Variants in BTBD8 observed in about 807,000 individuals in gnomAD.
BTBD8 encodes BTB/POZ domain-containing protein 8.
In BTBD8, 110 loss-of-function variants were observed where a neutral mutation model predicts 162.9. That is an observed-to-expected ratio of 0.68 (90% CI 0.58 to 0.79). BTBD8 has a LOEUF of 0.79. Among genes scored for constraint, BTBD8 ranks in the 30% least tolerant of loss-of-function variants. BTBD8 has a pLI of 0.00. For missense variants in BTBD8, 1,905 were observed against 2,085.4 expected (o/e 0.91, Z 1.68); for synonymous variants, 667 against 716.1 (o/e 0.93, Z 1.10).
chr1:92,121,057 G>A (rs550338123), intron 4 of BTBD8, among the ~76,000 whole-genome samples: 60 of 152,206 alleles, frequency 3.9e-4, no homozygotes, highest in African/African-American at 1.3e-3. Context: ...GAGCCACTGC[G>A]CCTGGCCAAA....
At chr1:92,123,936 C>T (rs1273172778) in intron 4 of BTBD8, among the ~76,000 whole-genome samples, 1 of 151,956 alleles carries the variant, frequency 6.6e-6, no homozygotes, top group African/African-American at 2.4e-5. Flanking sequence ...AACTGGCTTT[C>T]AAGTCTAATA....
chr1:92,129,100 A>G (rs1188004077), intron 4 of BTBD8, among the ~76,000 whole-genome samples: 3 of 151,974 alleles, frequency 2.0e-5, no homozygotes, highest in Non-Finnish European at 4.4e-5. Context: ...GTCTTTAGCT[A>G]CCTTTTTATA....
chr1:92,127,530 T>C (rs1227390577), intron 4 of BTBD8, among the ~76,000 whole-genome samples: 1 of 150,652 alleles, frequency 6.6e-6, no homozygotes, highest in Non-Finnish European at 1.5e-5. Context: ...CTAAATTCAC[T>C]GGGACATGAG....
chr1:92,173,247 G>A (rs963398977), intron 13 of BTBD8, among the ~76,000 whole-genome samples: 9 of 152,120 alleles, frequency 5.9e-5, no homozygotes, highest in South Asian at 4.1e-4. Flanking sequence ...TTTATAGACC[G>A]ACGATGCATA....
chr1:92,129,847 A>G (rs1649467218), intron 5 of BTBD8, 71 bp downstream of exon 5: 2 of 1,260,646 alleles, frequency 1.6e-6, no homozygotes, highest in Non-Finnish European at 2.3e-6. Context: ...AGCACTTTTT[A>G]TGAATCTGAT....
chr1:92,144,810 TACAC>T lies in BTBD8; in HGVS notation c.931-2341_931-2338del, dbSNP rs10631515. Among the ~76,000 whole-genome samples the T allele has an allele frequency of 7.6e-3, 1,074 of 140,794 alleles. 10 individuals are homozygous for T. The highest frequency in any genetic ancestry group is 0.026 in the African/African-American group (972 of 37,686). The allele number at this position is 140,794 out of a possible 152,430, so 92.4% of individuals were successfully genotyped here. A position where few individuals can be genotyped will look rare whatever the true frequency, so the allele number is the denominator to read the frequency against. ...TGGGTGACAGAGCCAAAAAAAAAAC[TACAC>T]ACACACACACACACACACACACACA... On this transcript the variant is annotated intron_variant, in intron 7 of 17. Coordinates refer to ENST00000636805, the MANE Select transcript of BTBD8 (RefSeq NM_001376131.1).
intron 4 of BTBD8, among the ~76,000 whole-genome samples, chr1:92,124,769 AT>A (rs1649307748): frequency 6.6e-6 from 1 of 152,186 alleles, no homozygotes; most frequent in African/African-American, 2.4e-5. Flanking sequence ...ATTAATTAGC[AT>A]TTTATTTGAG....
chr1:92,113,571 C>A (rs961398314), intron 4 of BTBD8, among the ~76,000 whole-genome samples: 13 of 152,206 alleles, frequency 8.5e-5, no homozygotes, highest in African/African-American at 2.9e-4. Flanking sequence ...CAGAGAAGCG[C>A]CTGTTTTCTA....
intron 1 of BTBD8, among the ~76,000 whole-genome samples, chr1:92,087,354 A>G (rs984959117): frequency 6.6e-5 from 10 of 152,136 alleles, no homozygotes; most frequent in African/African-American, 2.4e-4. Context: ...GTGTTTGTAG[A>G]GTTTCTATTT....
In BTBD8 at chr1:92,173,659, G is replaced by A. The variant is rs142160726; in HGVS notation, c.1635+2199G>A. Among the ~76,000 whole-genome samples the A allele has an allele frequency of 2.7e-3, 408 of 152,290 alleles. 1 individual carries two copies. Among genetic ancestry groups the A allele is most frequent in the African/African-American group, 9.0e-3 (375 of 41,542 alleles). ...GTTTCCCCCAGAAAGACAGTGATAT[G>A]CTGAAATGGATGCTGGACACAAAAT... On this transcript the variant is annotated intron_variant, in intron 13 of 17. Transcript: ENST00000636805.
rs756497617 is a variant in BTBD8, at chr1:92,107,986, GT to G, written c.651del (p.Phe217LeufsTer8). 3 of 1,613,054 alleles carry G rather than the reference GT, an allele frequency of 1.9e-6. No homozygotes were observed. Among genetic ancestry groups the G allele is most frequent in the Admixed American group, 3.3e-5 (2 of 60,002 alleles). ...PDIDIFVDGKRFKAHRAILSA... is the reference protein window; with the variant it reads ...PDIDIFVDGKXFKAHRAILSA... ...ATTGATATTTTTGTTGATGGAAAAC[GT>G]TTTAAAGCTCACAGGTAAATAGACA... is the stretch of plus-strand genomic sequence containing the variant. On this transcript the variant is annotated frameshift_variant, in exon 4 of 18. Transcript: ENST00000636805. LOFTEE classifies it high-confidence loss of function.
At chr1:92,173,100 T>A (rs769053285) in intron 13 of BTBD8, among the ~76,000 whole-genome samples, 1 of 152,188 alleles carries the variant, frequency 6.6e-6, no homozygotes, top group African/African-American at 2.4e-5. Flanking sequence ...TAATTTTGTA[T>A]TTTTAGTAGA....
chr1:92,146,024 C>A (rs958040996), intron 7 of BTBD8, among the ~76,000 whole-genome samples: 4 of 151,660 alleles, frequency 2.6e-5, no homozygotes, highest in African/African-American at 4.8e-5. Flanking sequence ...TAATTAAATT[C>A]TTCTTATCTG....
At chr1:92,159,327 A>G (rs529033457) in intron 9 of BTBD8, among the ~76,000 whole-genome samples, 2 of 152,042 alleles carry the variant, frequency 1.3e-5, no homozygotes, top group East Asian at 3.9e-4. Flanking sequence ...GGTGCATGCC[A>G]CCACAGCTAG....
At chr1:92,089,245 C>T (rs1193796932) in intron 2 of BTBD8, among the ~76,000 whole-genome samples, 1 of 152,002 alleles carries the variant, frequency 6.6e-6, no homozygotes, top group African/African-American at 2.4e-5. Flanking sequence ...ACTGGCATTT[C>T]AGGTTGTATA....
At chr1:92,142,618 C>T (rs948630000) in intron 7 of BTBD8, among the ~76,000 whole-genome samples, 2 of 152,140 alleles carry the variant, frequency 1.3e-5, no homozygotes, top group African/African-American at 4.8e-5. Context: ...CTCTGCACCC[C>T]GGTTACACAT....
chr1:92,127,140 A>G (rs183153564), intron 4 of BTBD8, among the ~76,000 whole-genome samples: 21 of 152,280 alleles, frequency 1.4e-4, no homozygotes, highest in African/African-American at 4.3e-4. Context: ...ATATTTTTAG[A>G]TGTGGCTATC....
At chr1:92,115,306 G>C (rs1003808391) in intron 4 of BTBD8, 1 of 460,036 alleles carries the variant, frequency 2.2e-6, no homozygotes, top group Non-Finnish European at 4.2e-6. Flanking sequence ...CATGATGCCA[G>C]AGTTGTTATG....
chr1:92,130,164 A>C (rs981675552), intron 5 of BTBD8, among the ~76,000 whole-genome samples: 1 of 152,056 alleles, frequency 6.6e-6, no homozygotes, highest in Non-Finnish European at 1.5e-5. Context: ...GTGCACTTGG[A>C]GAGAGAGTTT....
Sources: allele counts gnomAD v4.1 joint callset (sites outside exome capture counted in the v4.1 genomes callset), GRCh38; gene constraint gnomAD v4.1.1; transcripts MANE v1.5; gene names NCBI Gene and HGNC (gene_info 2026-07-23, HGNC 2026-07-21).